KLRG1: variants seen among roughly 807,000 people sequenced by gnomAD.
KLRG1 encodes killer cell lectin-like receptor subfamily G member 1.
KLRG1 carries 16 observed loss-of-function variants against 21.8 expected under a neutral mutation model. The ratio of observed to expected loss-of-function variants is 0.73; its 90% CI spans 0.50 to 1.11. The LOEUF (loss-of-function observed/expected upper bound fraction) is 1.11, where lower values mean the gene tolerates loss of function less well. KLRG1 is among the 50% of genes most tolerant of loss of function. The probability of loss-of-function intolerance (pLI) is 0.00; values close to 1 mark genes in which losing one functional copy is unlikely to be tolerated. For missense variants in KLRG1, 173 were observed against 218.3 expected, an observed-to-expected ratio of 0.79 and a Z score of 1.31; for synonymous variants, 69 against 75.9, an observed-to-expected ratio of 0.91 and a Z score of 0.47.
the KLRG1 span, among the ~76,000 whole-genome samples, chr12:9,049,406 C>G: frequency 6.6e-6 from 1 of 152,110 alleles, no homozygotes; most frequent in Non-Finnish European, 1.5e-5. Context: ...AATTTCCTGT[C>G]AGTCCAATGG....
chr12:8,950,448 T>C (rs1946177607), intron 1 of KLRG1, among the ~76,000 whole-genome samples: 1 of 152,226 alleles, frequency 6.6e-6, no homozygotes, highest in Non-Finnish European at 1.5e-5. Flanking sequence ...TAGCCACTTG[T>C]TGAAGTCCTG....
intron 3 of KLRG1, among the ~76,000 whole-genome samples, chr12:9,008,098 T>C (rs896690855): frequency 6.6e-6 from 1 of 152,180 alleles, no homozygotes; most frequent in African/African-American, 2.4e-5. Flanking sequence ...TTAAACTTGT[T>C]CCCTTAAGAA....
Position 8,995,138 on chromosome 12 carries a change from T to C in KLRG1, c.207T>C (p.Cys69=), listed in dbSNP as rs150945344. Residue 69 remains cysteine, a synonymous_variant, in exon 3 of 5, where the codon TGT becomes TGC. Transcript: ENST00000356986. ...TCCTAGGCTCCAACTACTCCACTTG[T>C]GCCAGCTGTCCTAGCTGCCCAGACC... ...ILCQGSNYST[C]ASCPSCPDRW... is the part of the protein sequence containing the mutation. The C allele has an allele frequency of 8.7e-5, 140 of 1,607,658 alleles. No individual in the cohort carries two copies. Among genetic ancestry groups the C allele is most frequent in the Non-Finnish European group, 1.1e-4 (135 of 1,177,640 alleles).
the KLRG1 span, chr12:9,091,158 C>T: frequency 6.3e-7 from 1 of 1,589,086 alleles, no homozygotes. Flanking sequence ...TTTTAATTTA[C>T]TTGATGGCTA....
the KLRG1 span, among the ~76,000 whole-genome samples, chr12:9,118,803 C>G: frequency 6.6e-6 from 1 of 152,114 alleles, no homozygotes; most frequent in African/African-American, 2.4e-5. Context: ...AGTCTGAATG[C>G]CACTAGCTTG....
intron 1 of KLRG1, among the ~76,000 whole-genome samples, chr12:8,976,189 T>A (rs1044844955): frequency 4.6e-5 from 7 of 152,190 alleles, no homozygotes; most frequent in African/African-American, 1.7e-4. Context: ...CAGATAGTTT[T>A]AAAATTTCCA....
chr12:9,202,421 T>G, the KLRG1 span: 1 of 1,613,614 alleles, frequency 6.2e-7, no homozygotes, highest in African/African-American at 1.3e-5. Flanking sequence ...AGCAGGTAAT[T>G]TGGGTAATAA....
chr12:9,153,003 C>A, the KLRG1 span: 1 of 1,612,622 alleles, frequency 6.2e-7, no homozygotes, highest in South Asian at 1.1e-5. Flanking sequence ...GGACCCCTCA[C>A]TTCCTCATTA....
At chr12:9,035,540 A>G in the KLRG1 span, among the ~76,000 whole-genome samples, 10 of 151,824 alleles carry the variant, frequency 6.6e-5, no homozygotes, top group African/African-American at 2.4e-4. Context: ...TGGCACATGT[A>G]TACCTATGTA....
upstream of KLRG1, among the ~76,000 whole-genome samples, chr12:8,985,934 C>T (rs12426857): frequency 0.34 from 51,127 of 151,952 alleles, 8,928 homozygotes; most frequent in Admixed American, 0.4. Flanking sequence ...ATCAGAAAGG[C>T]AGGGGAAAAT....
chr12:9,107,509 T>C, the KLRG1 span: 8 of 1,613,326 alleles, frequency 5.0e-6, no homozygotes, highest in East Asian at 2.2e-5. Flanking sequence ...CTAGAAAAAA[T>C]AGTGTTCAAC....
intron 1 of KLRG1, among the ~76,000 whole-genome samples, chr12:8,959,337 A>G (rs1030079066): frequency 6.6e-6 from 1 of 152,112 alleles, no homozygotes; most frequent in Non-Finnish European, 1.5e-5. Flanking sequence ...TCTTTGAGAC[A>G]TTTTTCAGAT....
the KLRG1 span, chr12:9,072,669 C>G: frequency 6.2e-7 from 1 of 1,614,190 alleles, no homozygotes; most frequent in Non-Finnish European, 8.5e-7. Context: ...GTAGACACAT[C>G]CTTCTCCTGT....
chr12:8,953,356 G>T (rs1247958594), intron 1 of KLRG1, among the ~76,000 whole-genome samples: 1 of 152,202 alleles, frequency 6.6e-6, no homozygotes, highest in Non-Finnish European at 1.5e-5. Context: ...TTGTGAGTAT[G>T]CAAAAACAGT....
At chr12:9,145,107 TG>T in the KLRG1 span, among the ~76,000 whole-genome samples, 3 of 152,230 alleles carry the variant, frequency 2.0e-5, no homozygotes, top group Non-Finnish European at 2.9e-5. Flanking sequence ...TATTTGGGTC[TG>T]TTTTTTTAAC....
chr12:8,953,035 A>T (rs140902549), intron 1 of KLRG1, among the ~76,000 whole-genome samples: 3 of 112,064 alleles, frequency 2.7e-5, no homozygotes, highest in African/African-American at 9.3e-5. Flanking sequence ...GGACCCGTCC[A>T]TAGCTAGTGA....
the KLRG1 span, among the ~76,000 whole-genome samples, chr12:9,071,253 AT>A: frequency 6.6e-6 from 1 of 152,206 alleles, no homozygotes; most frequent in South Asian, 2.1e-4. Context: ...ATTATGAATA[AT>A]AAATTTCAGT....
the KLRG1 span, chr12:9,093,545 C>A: frequency 6.2e-7 from 1 of 1,611,410 alleles, no homozygotes; most frequent in Non-Finnish European, 8.5e-7. Context: ...CAACATGCAC[C>A]AGGCGTGCAT....
intron 3 of KLRG1, among the ~76,000 whole-genome samples, chr12:9,004,355 T>C (rs1454099178): frequency 6.6e-6 from 1 of 152,212 alleles, no homozygotes; most frequent in Non-Finnish European, 1.5e-5. Context: ...CCACATCCTC[T>C]CCAGCACCTG....
Sources: allele counts gnomAD v4.1 joint callset (sites outside exome capture counted in the v4.1 genomes callset), GRCh38; gene constraint gnomAD v4.1.1; transcripts MANE v1.5; gene names NCBI Gene and HGNC (gene_info 2026-07-23, HGNC 2026-07-21).